Variants in SLCO1C1 observed in about 807,000 individuals in gnomAD.
SLCO1C1 encodes the protein solute carrier organic anion transporter family member 1C1.
Under a neutral mutation model 76.4 loss-of-function variants are expected in SLCO1C1, and 70 were observed. That is an observed-to-expected ratio of 0.92 (90% CI 0.76 to 1.12). The LOEUF (loss-of-function observed/expected upper bound fraction) is 1.12, where lower values mean the gene tolerates loss of function less well. Ranked by LOEUF, SLCO1C1 falls within the 50% of genes most tolerant of loss-of-function variation. The pLI, the probability that SLCO1C1 is intolerant of heterozygous loss-of-function variation, is 0.00. For missense variants in SLCO1C1, 912 were observed against 823.8 expected, an observed-to-expected ratio of 1.11 and a Z score of -1.31; for synonymous variants, 306 against 286.1, an observed-to-expected ratio of 1.07 and a Z score of -0.70.
rs1044872884 is a variant in SLCO1C1 at position 20,720,953 on chromosome 12, C to T, written c.776-851C>T. On this transcript the variant is annotated intron_variant, in intron 7 of 14. Coordinates refer to ENST00000266509, the MANE Select transcript of SLCO1C1 (RefSeq NM_017435.5). ...CGGAGGTTGTGGTGGGCCGAGATCGCGCCATTGCACTCCAGCCTGGGCAAC... is the reference window on the plus strand; with the variant it reads ...CGGAGGTTGTGGTGGGCCGAGATCGTGCCATTGCACTCCAGCCTGGGCAAC... 6.9e-5 allele frequency among the ~76,000 whole-genome samples: 10 copies of T among 145,740 alleles called. No individual in the cohort carries two copies. The East Asian group carries it at 1.2e-3, about 18-fold the overall frequency.
chr12:20,732,842 G>A (rs968272877), intron 9 of SLCO1C1, 67 bp from the exon 10 acceptor site: 2 of 1,524,618 alleles, frequency 1.3e-6, no homozygotes, highest in Admixed American at 1.8e-5. Context: ...TCTTTAGAAA[G>A]TTTGTGTTAG....
At chr12:20,708,497 G>A (rs1393750607) in intron 4 of SLCO1C1, among the ~76,000 whole-genome samples, 1 of 152,068 alleles carries the variant, frequency 6.6e-6, no homozygotes, top group Admixed American at 6.5e-5. Context: ...TATGTGTGGT[G>A]GGTTGGGGGT....
At chr12:20,724,451 ATGTG>A (rs1376125062) in intron 9 of SLCO1C1, among the ~76,000 whole-genome samples, 3 of 75,408 alleles carry the variant, frequency 4.0e-5, no homozygotes, top group African/African-American at 5.3e-5. Flanking sequence ...ATATATATAT[ATGTG>A]TGTGTGTGTG....
chr12:20,729,767 G>T (rs765506047), intron 9 of SLCO1C1, among the ~76,000 whole-genome samples: 6 of 151,820 alleles, frequency 4.0e-5, no homozygotes, highest in Non-Finnish European at 7.4e-5. Context: ...GGATAAGAAA[G>T]TATTAAAAGA....
chr12:20,745,165 G>A (rs1210185234), intron 13 of SLCO1C1, among the ~76,000 whole-genome samples: 1 of 152,068 alleles, frequency 6.6e-6, no homozygotes, highest in African/African-American at 2.4e-5. Flanking sequence ...AAAGGGAAGA[G>A]GGATAAATTT....
chr12:20,736,574 T>C (rs1948553723), intron 10 of SLCO1C1, among the ~76,000 whole-genome samples: 1 of 152,164 alleles, frequency 6.6e-6, no homozygotes, highest in South Asian at 2.1e-4. Flanking sequence ...GTTACACACA[T>C]GCAAGAGGAC....
At chr12:20,708,000 T>G (rs1565503627) in intron 4 of SLCO1C1, among the ~76,000 whole-genome samples, 1 of 152,182 alleles carries the variant, frequency 6.6e-6, no homozygotes, top group Non-Finnish European at 1.5e-5. Flanking sequence ...GAGCTATTTC[T>G]GCGAGAAAAC....
In SLCO1C1 at chr12:20,696,452, C is replaced by T. The variant is rs776458853; in HGVS notation, c.-26+645C>T. ...AGAGCAGAGGGGTTGAGTACATCTG[C>T]GGGATCTAACTACAACCTTCCTAAG... On this transcript the variant is annotated intron_variant, in intron 1 of 14. Coordinates refer to ENST00000266509, the MANE Select transcript of SLCO1C1 (RefSeq NM_017435.5). Among the ~76,000 whole-genome samples the T allele has an allele frequency of 3.3e-5, 5 of 152,198 alleles. No homozygotes were observed. In the East Asian group the frequency reaches 5.8e-4, roughly 18 times the overall value.
At chr12:20,703,527 T>A (rs1946626216) in intron 3 of SLCO1C1, among the ~76,000 whole-genome samples, 1 of 151,846 alleles carries the variant, frequency 6.6e-6, no homozygotes, top group African/African-American at 2.4e-5. Context: ...AAAATTTTAG[T>A]ATTAAGCAAT....
intron 3 of SLCO1C1, 67 bp downstream of exon 3, chr12:20,701,526 C>A: frequency 8.2e-7 from 1 of 1,217,914 alleles, no homozygotes; most frequent in South Asian, 2.6e-5. Context: ...TAAAGAACAC[C>A]TTCTGCATTC....
chr12:20,724,982 TATAA>T lies in SLCO1C1; in HGVS notation c.1186+1733_1186+1736del, dbSNP rs368020630. On this transcript the variant is annotated intron_variant, in intron 9 of 14. Transcript: ENST00000266509. ...AGGTAATATTATAAATTTATGATAG[TATAA>T]ATAATTACATTATAAAACATATATT... 2.8e-3 allele frequency among the ~76,000 whole-genome samples: 399 copies of T among 142,676 alleles called. 4 individuals are homozygous for T. The highest frequency in any genetic ancestry group is 7.9e-3 in the African/African-American group (314 of 39,500). The allele number at this position is 142,676 out of a possible 152,430, so 93.6% of individuals were successfully genotyped here. A position where few individuals can be genotyped will look rare whatever the true frequency, so the allele number is the denominator to read the frequency against.
intron 13 of SLCO1C1, 55 bp downstream of exon 13, chr12:20,743,424 A>T: frequency 7.1e-7 from 1 of 1,406,042 alleles, no homozygotes. Context: ...TATTTTGAAG[A>T]CTTTTCTAAA....
chr12:20,697,355 C>G (rs2120578222), intron 1 of SLCO1C1: 1 of 152,118 alleles, frequency 6.6e-6, no homozygotes, highest in East Asian at 1.9e-4. Flanking sequence ...TTATCCGTTT[C>G]TTATTTTAAA....
Position 20,722,062 on chromosome 12 carries a change from C to A in SLCO1C1, c.1021+13C>A, listed in dbSNP as rs67046345. The A allele has an allele frequency of 0.021, 33,102 of 1,607,084 alleles. 493 individuals are homozygous for A. The highest frequency in any genetic ancestry group is 0.059 in the Admixed American group (3,497 of 59,182). ...GAAATGGCAAGAGGTAAGTCAAATT[C>A]TTGATTTTGAAGTATTTTCATTTTT... is the stretch of plus-strand genomic sequence containing the variant. On this transcript the variant is annotated intron_variant, in intron 8 of 14. Coordinates refer to ENST00000266509, the MANE Select transcript of SLCO1C1 (RefSeq NM_017435.5).
chr12:20,728,139 A>C (rs140010881), intron 9 of SLCO1C1, among the ~76,000 whole-genome samples: 13 of 152,252 alleles, frequency 8.5e-5, no homozygotes, highest in African/African-American at 3.1e-4. Context: ...GGATTTTTAT[A>C]GTTTAAATTC....
At chr12:20,700,910 A>G (rs1388876784) in intron 2 of SLCO1C1, among the ~76,000 whole-genome samples, 2 of 152,052 alleles carry the variant, frequency 1.3e-5, no homozygotes. Flanking sequence ...TGTGAAATAC[A>G]TAATCCCAAG....
chr12:20,697,808 A>G (rs969880807), intron 1 of SLCO1C1, among the ~76,000 whole-genome samples: 2 of 152,042 alleles, frequency 1.3e-5, no homozygotes, highest in African/African-American at 2.4e-5. Context: ...TTTATAATCT[A>G]TGGGCTTGAT....
At position 20,732,980 on chromosome 12, in the gene SLCO1C1, AGT is replaced by A. The variant is rs752197102; in HGVS notation, c.1266_1267del (p.Cys422TrpfsTer26). On this transcript the variant is annotated frameshift_variant, in exon 10 of 15. Coordinates refer to ENST00000266509, the MANE Select transcript of SLCO1C1 (RefSeq NM_017435.5). LOFTEE classifies it high-confidence loss of function. ...GATAGTTATGAAAAAATTCAGAATC[AGT>A]GTGTGTGGAGCTGCAAAACTCTACT... ...GGIVMKKFRI[S>X]VCGAAKLYLG... 8.7e-6 allele frequency: 14 copies of A among 1,613,936 alleles called. No individual in the cohort carries two copies. The Admixed American group carries it at 1.0e-4, about 12-fold the overall frequency.
intron 10 of SLCO1C1, among the ~76,000 whole-genome samples, chr12:20,736,073 GA>G (rs1212225000): frequency 3.9e-5 from 6 of 152,028 alleles, no homozygotes; most frequent in Non-Finnish European, 5.9e-5. Flanking sequence ...GAGGGCCAAT[GA>G]ATGGCACATA....
Sources: allele counts gnomAD v4.1 joint callset (sites outside exome capture counted in the v4.1 genomes callset), GRCh38; gene constraint gnomAD v4.1.1; transcripts MANE v1.5; gene names NCBI Gene and HGNC (gene_info 2026-07-23, HGNC 2026-07-21).